Variants in SFMBT1 observed in about 807,000 individuals in gnomAD.
SFMBT1 encodes Scm like with four mbt domains 1, also known as scm-like with four MBT domains protein 1.
SFMBT1 carries 32 observed loss-of-function variants against 108.7 expected under a neutral mutation model. The ratio of observed to expected loss-of-function variants is 0.29; its 90% CI spans 0.22 to 0.40. The LOEUF (loss-of-function observed/expected upper bound fraction) is 0.40. SFMBT1 is among the 10% of genes least tolerant of loss of function. The probability of loss-of-function intolerance (pLI) is 1.00; values close to 1 mark genes in which losing one functional copy is unlikely to be tolerated. For synonymous variants in SFMBT1, 348 were observed against 369.5 expected (o/e 0.94, Z 0.67); for missense variants, 816 against 1,059.6 (o/e 0.77, Z 3.19).
chr3:52,983,728 C>T lies in SFMBT1; in HGVS notation c.-130-14470G>A, dbSNP rs367571793. Among the ~76,000 whole-genome samples, 23 of 152,118 alleles carry T rather than the reference C, an allele frequency of 1.5e-4. No individual in the cohort carries two copies. In the East Asian group the frequency reaches 3.1e-3, roughly 20 times the overall value. ...GTCTCTGAAGTGGGAGCTTGTGTGG[C>T]GTATTTGAGGCCACAGTGGTTGGAA... On this transcript the variant is annotated intron_variant, in intron 1 of 20. Coordinates refer to ENST00000394752, the MANE Select transcript of SFMBT1 (RefSeq NM_016329.4).
chr3:52,906,193 A>G lies in SFMBT1; in HGVS notation c.2380T>C (p.Leu794=). 6.2e-7 allele frequency: 1 copy of G among 1,614,160 alleles called. No homozygotes were observed. Among genetic ancestry groups the G allele is most frequent in the Non-Finnish European group, 8.5e-7 (1 of 1,180,006 alleles). The change falls in exon 20 of 21, where the codon TTG becomes CTG. Residue 794 remains leucine (L), a synonymous_variant. Transcript: ENST00000394752. ...AERLHLDSNP[L]KWSVADVVRF... ...ACAACGTCTGCCACACTCCACTTCA[A>G]GGGGTTACTGTCCAGGTGAAGCCTT...
intron 16 of SFMBT1, among the ~76,000 whole-genome samples, chr3:52,912,244 G>A (rs1027346423): frequency 1.3e-5 from 2 of 151,760 alleles, no homozygotes; most frequent in Non-Finnish European, 2.9e-5. Flanking sequence ...GTAGTGGCAC[G>A]ATCTCAGCTC....
intron 4 of SFMBT1, among the ~76,000 whole-genome samples, chr3:52,940,006 T>A (rs781735525): frequency 3.3e-5 from 5 of 152,202 alleles, no homozygotes; most frequent in Non-Finnish European, 7.3e-5. Flanking sequence ...TTGAAATGTT[T>A]TTATCTGACA....
intron 1 of SFMBT1, among the ~76,000 whole-genome samples, chr3:52,976,131 G>T (rs897813164): frequency 6.6e-6 from 1 of 152,080 alleles, no homozygotes; most frequent in Non-Finnish European, 1.5e-5. Context: ...GCCAGACACA[G>T]TGGCTCATGC....
chr3:52,949,991 T>G (rs1299210114), intron 3 of SFMBT1, among the ~76,000 whole-genome samples: 1 of 152,198 alleles, frequency 6.6e-6, no homozygotes, highest in Non-Finnish European at 1.5e-5. Flanking sequence ...TCTCTTTATA[T>G]TTAAAGTGCT....
chr3:52,940,493 T>A (rs1482518123), intron 4 of SFMBT1, among the ~76,000 whole-genome samples: 2 of 152,288 alleles, frequency 1.3e-5, no homozygotes, highest in East Asian at 3.9e-4. Context: ...TTATAACCCA[T>A]TAAATAAGAT....
At chr3:53,034,206 A>T (rs769566557) in intron 1 of SFMBT1, among the ~76,000 whole-genome samples, 15 of 152,246 alleles carry the variant, frequency 9.9e-5, no homozygotes, top group Non-Finnish European at 1.8e-4. Flanking sequence ...TAGATTTATT[A>T]CTTGCATTGC....
intron 9 of SFMBT1, 126 bp from the exon 10 acceptor site, chr3:52,926,239 G>T (rs1032923044): frequency 1.5e-6 from 1 of 689,626 alleles, no homozygotes; most frequent in African/African-American, 2.4e-5. Context: ...GATCATTTTA[G>T]AGGGGCGAAA....
At chr3:52,925,431 GAATTT>G (rs879691814) in intron 10 of SFMBT1, among the ~76,000 whole-genome samples, 2 of 152,194 alleles carry the variant, frequency 1.3e-5, no homozygotes, top group Admixed American at 1.3e-4. Context: ...AAGACAGGGT[GAATTT>G]AATTTGTTTT....
intron 1 of SFMBT1, among the ~76,000 whole-genome samples, chr3:53,027,129 C>T (rs1699520459): frequency 6.6e-6 from 1 of 152,190 alleles, no homozygotes; most frequent in Non-Finnish European, 1.5e-5. Context: ...TCTTATTTTA[C>T]ACTAGATGTT....
At chr3:52,924,156 T>C (rs1035545073) in intron 10 of SFMBT1, among the ~76,000 whole-genome samples, 4 of 152,074 alleles carry the variant, frequency 2.6e-5, no homozygotes, top group Admixed American at 2.6e-4. Flanking sequence ...CATTTTCAAA[T>C]ATACAGTGTC....
chr3:52,991,698 G>C (rs1178890783), intron 1 of SFMBT1, among the ~76,000 whole-genome samples: 2 of 152,028 alleles, frequency 1.3e-5, no homozygotes, highest in African/African-American at 4.8e-5. Flanking sequence ...TGGCCTTTCA[G>C]GAAGCGATTG....
intron 19 of SFMBT1, 121 bp downstream of exon 19, chr3:52,906,948 C>T: frequency 7.7e-7 from 1 of 1,296,396 alleles, no homozygotes; most frequent in Non-Finnish European, 1.0e-6. Context: ...ACAAGAGACC[C>T]TGGAAATTCT....
At chr3:52,952,747 T>C (rs568104274) in intron 3 of SFMBT1, among the ~76,000 whole-genome samples, 6 of 152,306 alleles carry the variant, frequency 3.9e-5, no homozygotes, top group African/African-American at 7.2e-5. Context: ...AAAACCTTTA[T>C]GGCCGAATCA....
chr3:52,920,541 T>G lies in SFMBT1; in HGVS notation c.1368A>C (p.Ala456=). The change falls in exon 12 of 21, where the codon GCA becomes GCC. Residue 456 remains alanine, a synonymous_variant. Transcript: ENST00000394752. Reference sequence around the variant, plus strand: ...AACCCAGAAATAGACAGATACCTCGTGCTCGGCGAGGAGTGCTGAGGGGGT... The same window carrying G: ...AACCCAGAAATAGACAGATACCTCGGGCTCGGCGAGGAGTGCTGAGGGGGT... The part of the protein sequence containing the change: ...NGHPLSTPRR[A]RVYKQRKIAV... 1 of 1,610,742 alleles carries G rather than the reference T, an allele frequency of 6.2e-7. No homozygotes were observed. The highest frequency in any genetic ancestry group is 8.5e-7 in the Non-Finnish European group (1 of 1,177,424).
intron 1 of SFMBT1, among the ~76,000 whole-genome samples, chr3:53,038,217 A>G (rs1321002927): frequency 6.6e-6 from 1 of 152,180 alleles, no homozygotes; most frequent in African/African-American, 2.4e-5. Context: ...TCCAGTTTAG[A>G]CAACTGTCTC....
chr3:52,935,153 T>C (rs1007457406), intron 4 of SFMBT1, among the ~76,000 whole-genome samples: 2 of 152,204 alleles, frequency 1.3e-5, no homozygotes, highest in Non-Finnish European at 2.9e-5. Context: ...ATTCCTATAA[T>C]TTTACCCAGA....
intron 20 of SFMBT1, among the ~76,000 whole-genome samples, chr3:52,905,825 C>T (rs1057180737): frequency 1.3e-5 from 2 of 152,016 alleles, no homozygotes; most frequent in African/African-American, 4.8e-5. Flanking sequence ...ACAAGCAAAT[C>T]ATTATTTTTG....
At chr3:52,931,655 C>A (rs1305428395) in intron 6 of SFMBT1, among the ~76,000 whole-genome samples, 1 of 152,140 alleles carries the variant, frequency 6.6e-6, no homozygotes, top group Non-Finnish European at 1.5e-5. Flanking sequence ...GACTGGCCAA[C>A]ATGGTGAAAC....
Sources: allele counts gnomAD v4.1 joint callset (sites outside exome capture counted in the v4.1 genomes callset), GRCh38; gene constraint gnomAD v4.1.1; transcripts MANE v1.5; gene names NCBI Gene and HGNC (gene_info 2026-07-23, HGNC 2026-07-21).